The following DRICH1 variants were observed in gnomAD, a reference collection of about 807,000 sequenced individuals.
DRICH1 encodes the protein aspartate-rich protein 1.
DRICH1 carries 38 observed loss-of-function variants against 39.5 expected under a neutral mutation model. The ratio of observed to expected loss-of-function variants is 0.96; its 90% CI spans 0.74 to 1.26. The LOEUF is 1.26. DRICH1 is among the 50% of genes most tolerant of loss of function. The probability of loss-of-function intolerance (pLI) is 0.00; values close to 1 mark genes in which losing one functional copy is unlikely to be tolerated. For synonymous variants in DRICH1, 84 were observed against 99.5 expected (o/e 0.84, Z 0.93); for missense variants, 279 against 270.4 (o/e 1.03, Z -0.22).
chr22:23,600,766 G>A, the DRICH1 span, among the ~76,000 whole-genome samples: 1 of 150,852 alleles, frequency 6.6e-6, no homozygotes, highest in Non-Finnish European at 1.5e-5. Context: ...TCTGCCTCCC[G>A]GGTTCACACC....
At chr22:23,606,030 C>T (rs533781573), downstream of DRICH1, among the ~76,000 whole-genome samples, 43 of 150,780 alleles carry the variant, frequency 2.9e-4, 1 homozygote, top group South Asian at 8.8e-3. Context: ...GCTGAGTTCA[C>T]GCCACTGCAC....
At chr22:23,596,598 G>T in the DRICH1 span, among the ~76,000 whole-genome samples, 307 of 152,232 alleles carry the variant, frequency 2.0e-3, 3 homozygotes, top group Non-Finnish European at 3.4e-3. Context: ...TTATCTCAAA[G>T]AATTTTTGAA....
intron 1 of DRICH1, 77 bp downstream of exon 1, chr22:23,631,739 G>C: frequency 8.5e-7 from 1 of 1,181,956 alleles, no homozygotes; most frequent in South Asian, 1.3e-5. Context: ...GGATGTCTCT[G>C]GGGATGAGGG....
intron 11 of DRICH1, among the ~76,000 whole-genome samples, chr22:23,610,817 C>CT (rs564389276): frequency 0.054 from 7,731 of 142,992 alleles, 614 homozygotes; most frequent in African/African-American, 0.18. Flanking sequence ...TAAAAGCACT[C>CT]TTTTTTTTTT....
downstream of DRICH1, among the ~76,000 whole-genome samples, chr22:23,604,321 C>A (rs866851278): frequency 1.3e-5 from 2 of 152,130 alleles, no homozygotes; most frequent in African/African-American, 2.4e-5. Flanking sequence ...GCCTGGGAGT[C>A]CCCTGCCAGG....
At chr22:23,620,200 C>T (rs968179857) in intron 5 of DRICH1, among the ~76,000 whole-genome samples, 4 of 152,104 alleles carry the variant, frequency 2.6e-5, no homozygotes, top group South Asian at 4.1e-4. Context: ...CCTCCCTCAC[C>T]TCCCAAGCAG....
At chr22:23,595,219 C>T in the DRICH1 span, among the ~76,000 whole-genome samples, 37 of 145,750 alleles carry the variant, frequency 2.5e-4, no homozygotes, top group Non-Finnish European at 4.8e-4. Context: ...TTTCCAGCTT[C>T]CCTAGAGGCC....
intron 8 of DRICH1, 74 bp downstream of exon 8, chr22:23,616,779 C>T (rs1236000794): frequency 3.8e-6 from 6 of 1,570,862 alleles, no homozygotes; most frequent in Non-Finnish European, 5.3e-6. Context: ...TTAACAGGAA[C>T]CCAGATTAAG....
chr22:23,613,364 G>A, intron 10 of DRICH1, 34 bp from the exon 11 acceptor site: 1 of 1,562,186 alleles, frequency 6.4e-7, no homozygotes, highest in Non-Finnish European at 8.8e-7. Context: ...TAAGTCATTA[G>A]AGAGAGTGAC....
At chr22:23,586,934 A>G in the DRICH1 span, among the ~76,000 whole-genome samples, 2 of 152,286 alleles carry the variant, frequency 1.3e-5, no homozygotes, top group East Asian at 3.9e-4. Flanking sequence ...TATCTATATA[A>G]CTACACCAGT....
At chr22:23,609,102 A>C (rs1926891254) in intron 11 of DRICH1, among the ~76,000 whole-genome samples, 2 of 152,144 alleles carry the variant, frequency 1.3e-5, no homozygotes, top group Admixed American at 6.5e-5. Flanking sequence ...TGGAAGAGGC[A>C]ACTGGTCATT....
At chr22:23,594,610 T>G in the DRICH1 span, among the ~76,000 whole-genome samples, 1 of 152,250 alleles carries the variant, frequency 6.6e-6, no homozygotes, top group African/African-American at 2.4e-5. Flanking sequence ...ACAAGATGTA[T>G]GACAAGTGAC....
chr22:23,581,926 A>T, the DRICH1 span, among the ~76,000 whole-genome samples: 1 of 150,452 alleles, frequency 6.6e-6, no homozygotes. Flanking sequence ...TTTTAAGTAC[A>T]CAGTTCAGTG....
chr22:23,598,636 T>A, the DRICH1 span, among the ~76,000 whole-genome samples: 1 of 152,188 alleles, frequency 6.6e-6, no homozygotes, highest in African/African-American at 2.4e-5. Flanking sequence ...TCCTAGCCGT[T>A]CAGGGGAGGG....
At chr22:23,610,591 G>A (rs1180977963) in intron 11 of DRICH1, 5 of 152,286 alleles carry the variant, frequency 3.3e-5, no homozygotes, top group East Asian at 3.9e-4. Context: ...GACTGCCCGC[G>A]GGGACTCGTG....
At chr22:23,615,323 C>T (rs111589671) in intron 8 of DRICH1, among the ~76,000 whole-genome samples, 7,596 of 152,222 alleles carry the variant, frequency 0.05, 584 homozygotes, top group African/African-American at 0.17. Context: ...TTGCAGTGAG[C>T]CGCGATCACG....
chr22:23,616,914 A>G, intron 7 of DRICH1, 40 bp from the exon 8 acceptor site: 1 of 1,610,786 alleles, frequency 6.2e-7, no homozygotes, highest in Non-Finnish European at 8.5e-7. Flanking sequence ...GGATCAGATC[A>G]ATTCTGCCAC....
the DRICH1 span, among the ~76,000 whole-genome samples, chr22:23,599,789 C>A: frequency 6.6e-6 from 1 of 152,150 alleles, no homozygotes; most frequent in African/African-American, 2.4e-5. Flanking sequence ...CCCCAGTATC[C>A]CCTGCCCCTC....
chr22:23,617,657 C>T lies in DRICH1; in HGVS notation c.437G>A (p.Cys146Tyr). The T allele has an allele frequency of 4.3e-6, 7 of 1,614,034 alleles. No individual in the cohort carries two copies. The highest frequency in any genetic ancestry group is 5.9e-6 in the Non-Finnish European group (7 of 1,179,938). The change falls in exon 7 of 12, where the codon TGT becomes TAT. Residue 146 changes from cysteine (C) to tyrosine (Y), a missense_variant and splice_region_variant. By Grantham distance (194) the Cys-to-Tyr change is radical (BLOSUM62 -2). Coordinates refer to ENST00000317749, the MANE Select transcript of DRICH1 (RefSeq NM_016449.4). ...TAAACTCAGGTTGTCCTCAGAAGAA[C>T]CTGGAAGCACACAGAGGAAAGATCC... ...GGCYRFDSSS[C>Y]SSEDNLSLVC...
Sources: allele counts gnomAD v4.1 joint callset (sites outside exome capture counted in the v4.1 genomes callset), GRCh38; gene constraint gnomAD v4.1.1; transcripts MANE v1.5; gene names NCBI Gene and HGNC (gene_info 2026-07-23, HGNC 2026-07-21).